Variants in NSMAF observed in about 807,000 individuals in gnomAD.
The protein encoded by NSMAF is protein FAN.
NSMAF carries 90 observed loss-of-function variants against 134.9 expected under a neutral mutation model. The observed-to-expected ratio is 0.67, with a 90% CI of 0.56 to 0.79. NSMAF has a LOEUF of 0.79. NSMAF is among the 30% of genes least tolerant of loss of function. The pLI is 0.00. For missense variants in NSMAF, 1,010 were observed against 1,119.0 expected (o/e 0.90, Z 1.39); for synonymous variants, 358 against 389.6 (o/e 0.92, Z 0.96).
chr8:58,593,855 T>G (rs1354661742), intron 23 of NSMAF, among the ~76,000 whole-genome samples: 1 of 152,226 alleles, frequency 6.6e-6, no homozygotes, highest in African/African-American at 2.4e-5. Flanking sequence ...ACAGCAAATC[T>G]GCATTTCCAC....
At chr8:58,646,815 T>C (rs1431007597) in intron 1 of NSMAF, among the ~76,000 whole-genome samples, 3 of 152,246 alleles carry the variant, frequency 2.0e-5, no homozygotes, top group African/African-American at 7.2e-5. Context: ...CTGTAAATTA[T>C]TTCTTTAGAA....
At chr8:58,589,104 T>C (rs990070440) in intron 26 of NSMAF, among the ~76,000 whole-genome samples, 1 of 150,042 alleles carries the variant, frequency 6.7e-6, no homozygotes, top group Non-Finnish European at 1.5e-5. Flanking sequence ...AAGTATGTGA[T>C]ACGTAAGGAT....
downstream of NSMAF, chr8:58,583,507 C>G (rs1017532714): frequency 2.6e-5 from 4 of 152,158 alleles, no homozygotes; most frequent in African/African-American, 9.7e-5. Flanking sequence ...AAACAGCTTT[C>G]TTTAGAGAAA....
At chr8:58,657,766 G>A (rs1044297229) in intron 1 of NSMAF, among the ~76,000 whole-genome samples, 4 of 152,180 alleles carry the variant, frequency 2.6e-5, no homozygotes, top group African/African-American at 9.7e-5. Flanking sequence ...TAAAACACAT[G>A]GCGCCAACTT....
intron 23 of NSMAF, among the ~76,000 whole-genome samples, chr8:58,592,054 T>G (rs1208360392): frequency 6.6e-6 from 1 of 152,194 alleles, no homozygotes; most frequent in Non-Finnish European, 1.5e-5. Context: ...AACAGAAGAA[T>G]GAACACAGTA....
At position 58,595,367 on chromosome 8, in the gene NSMAF, G is replaced by A. The variant is rs191704694; in HGVS notation, c.1892+193C>T. On this transcript the variant is annotated intron_variant, in intron 22 of 30. Coordinates refer to ENST00000038176, the MANE Select transcript of NSMAF (RefSeq NM_003580.4). ...CACGGTAGCCACCACAAATCATTTC[G>A]TGCCAAACTTTCCCTACTACATCAA... Among the ~76,000 whole-genome samples the A allele has an allele frequency of 7.2e-5, 11 of 152,186 alleles. No homozygotes were observed. The East Asian group carries it at 9.7e-4, about 13-fold the overall frequency.
At chr8:58,657,369 T>C (rs529309705) in intron 1 of NSMAF, among the ~76,000 whole-genome samples, 35 of 151,410 alleles carry the variant, frequency 2.3e-4, no homozygotes, top group Middle Eastern at 6.8e-3. Flanking sequence ...AGGCCTCTCA[T>C]GGGTAACCTC....
intron 9 of NSMAF, among the ~76,000 whole-genome samples, chr8:58,611,038 T>G (rs1325080456): frequency 6.6e-6 from 1 of 152,196 alleles, no homozygotes; most frequent in African/African-American, 2.4e-5. Context: ...TGACCACTTC[T>G]GGAGGTAAAT....
intron 6 of NSMAF, among the ~76,000 whole-genome samples, chr8:58,630,538 C>A (rs1300385797): frequency 6.6e-6 from 1 of 152,090 alleles, no homozygotes; most frequent in Non-Finnish European, 1.5e-5. Context: ...CTACTGCCCC[C>A]AAAGGCTTTT....
chr8:58,638,929 T>G (rs1807264909), intron 2 of NSMAF, among the ~76,000 whole-genome samples: 1 of 152,042 alleles, frequency 6.6e-6, no homozygotes, highest in South Asian at 2.1e-4. Flanking sequence ...GATAGTATAA[T>G]AAGAAAACAA....
chr8:58,604,304 A>G (rs574191569), intron 12 of NSMAF, among the ~76,000 whole-genome samples: 2 of 152,132 alleles, frequency 1.3e-5, no homozygotes, highest in South Asian at 2.1e-4. Context: ...TAGAAAATGG[A>G]TATTTTAGAT....
chr8:58,654,787 C>A (rs114861835), intron 1 of NSMAF, among the ~76,000 whole-genome samples: 66 of 152,304 alleles, frequency 4.3e-4, no homozygotes, highest in Middle Eastern at 3.4e-3. Flanking sequence ...AACTATGACT[C>A]TTCCTCAGAA....
chr8:58,599,612 A>G (rs936587798), intron 18 of NSMAF, 138 bp downstream of exon 18: 3 of 978,660 alleles, frequency 3.1e-6, no homozygotes, highest in Non-Finnish European at 4.5e-6. Context: ...AATACTTCTG[A>G]TATGGAATAG....
At chr8:58,637,252 G>A (rs1807197471) in intron 2 of NSMAF, 2 of 450,144 alleles carry the variant, frequency 4.4e-6, no homozygotes, top group Admixed American at 4.7e-5. Context: ...ATGACAGGAT[G>A]TCCCAGGTTC....
intron 1 of NSMAF, among the ~76,000 whole-genome samples, chr8:58,657,521 TAA>T (rs1392733604): frequency 2.0e-5 from 3 of 152,214 alleles, no homozygotes; most frequent in Non-Finnish European, 2.9e-5. Context: ...GCAGAAATGG[TAA>T]ATTTGGGGCT....
chr8:58,639,890 C>T, intron 2 of NSMAF: 1 of 299,750 alleles, frequency 3.3e-6, no homozygotes, highest in South Asian at 2.9e-5. Flanking sequence ...AAGCCAGCCA[C>T]AGAAGGACAA....
intron 2 of NSMAF, among the ~76,000 whole-genome samples, chr8:58,639,721 T>A (rs1306466813): frequency 6.6e-6 from 1 of 152,092 alleles, no homozygotes; most frequent in African/African-American, 2.4e-5. Context: ...CATTGATAGA[T>A]TAATGAATAA....
intron 9 of NSMAF, among the ~76,000 whole-genome samples, chr8:58,617,522 AAAG>A (rs1806688056): frequency 6.6e-6 from 1 of 152,376 alleles, no homozygotes; most frequent in African/African-American, 2.4e-5. Context: ...ACACTTATCA[AAAG>A]AAGACATCTA....
At chr8:58,603,175 C>T (rs1231299757) in intron 13 of NSMAF, 35 bp downstream of exon 13, 5 of 1,601,166 alleles carry the variant, frequency 3.1e-6, no homozygotes, top group Non-Finnish European at 4.3e-6. Flanking sequence ...CTACTCCCCA[C>T]TCAACTTGGT....
Sources: gnomAD v4.1 joint callset for allele counts (sites outside exome capture counted in the v4.1 genomes callset) on GRCh38, gnomAD v4.1.1 for gene constraint, MANE v1.5 for transcripts, NCBI Gene and HGNC (gene_info 2026-07-23, HGNC 2026-07-21) for gene names.